PRKD1: variants seen among roughly 807,000 people sequenced by gnomAD.
PRKD1 encodes protein kinase D1.
Under a neutral mutation model 95.9 loss-of-function variants are expected in PRKD1, and 63 were observed. The observed-to-expected ratio is 0.66, with a 90% CI of 0.54 to 0.81. PRKD1 has a LOEUF of 0.81. PRKD1 is among the 30% of genes least tolerant of loss of function. PRKD1 has a pLI of 0.00. For missense variants in PRKD1, 1,048 were observed against 1,165.3 expected (o/e 0.90, Z 1.47); for synonymous variants, 425 against 423.1 (o/e 1.00, Z -0.05).
intron 16 of PRKD1, among the ~76,000 whole-genome samples, chr14:29,588,934 ACTCGGGAATAGGTG>A (rs1594342034): frequency 6.6e-6 from 1 of 152,020 alleles, no homozygotes; most frequent in East Asian, 1.9e-4. Context: ...TCAGCAGGTG[ACTCGGGAATAGGTG>A]CTTCTTCAGA....
chr14:29,722,356 T>C (rs899510763), intron 2 of PRKD1, among the ~76,000 whole-genome samples: 4 of 152,170 alleles, frequency 2.6e-5, no homozygotes, highest in Admixed American at 6.6e-5. Context: ...TGGCCTGAAG[T>C]GTCCTTGCTG....
At chr14:29,820,714 G>A (rs1237499650) in intron 1 of PRKD1, among the ~76,000 whole-genome samples, 4 of 152,120 alleles carry the variant, frequency 2.6e-5, no homozygotes, top group Non-Finnish European at 5.9e-5. Context: ...TGTATAACAC[G>A]CTAAGGAACC....
At position 29,905,871 on chromosome 14, in the gene PRKD1, T is replaced by C. The variant is rs555642722; in HGVS notation, c.264+21378A>G. The stretch of plus-strand genomic sequence containing the variant: ...AGGCTCCAGAAAATCAAATATAATA[T>C]CCACCCAGCGGGGCTTATAACTCTC... On this transcript the variant is annotated intron_variant, in intron 1 of 17. Transcript: ENST00000331968. Among the ~76,000 whole-genome samples the C allele has an allele frequency of 5.3e-5, 8 of 152,244 alleles. 1 individual carries two copies. The East Asian group carries it at 1.5e-3, about 29-fold the overall frequency.
chr14:29,597,840 C>T, intron 15 of PRKD1, 82 bp from the exon 16 acceptor site: 1 of 1,344,250 alleles, frequency 7.4e-7, no homozygotes, highest in Non-Finnish European at 1.0e-6. Context: ...CAGATACAAC[C>T]ATAATATTTT....
intron 1 of PRKD1, among the ~76,000 whole-genome samples, chr14:29,841,669 T>G (rs1242544308): frequency 6.6e-6 from 1 of 152,172 alleles, no homozygotes; most frequent in Admixed American, 6.5e-5. Flanking sequence ...CTCTGTTTCT[T>G]CCTGGTCTCG....
At position 29,607,547 on chromosome 14, in the gene PRKD1, C is replaced by T. The variant is rs754482088; in HGVS notation, c.1906-7730G>A. 7.9e-5 allele frequency among the ~76,000 whole-genome samples: 12 copies of T among 152,276 alleles called. 1 individual carries two copies. The highest frequency in any genetic ancestry group is 1.3e-4 in the Non-Finnish European group (9 of 68,020). ...GGTGAAGTCCCCGTTTCCTCGCTGG[C>T]TGTGAGCCAAGCGTCTCTCTCAGCT... On this transcript the variant is annotated intron_variant, in intron 13 of 17. Coordinates refer to ENST00000331968, the MANE Select transcript of PRKD1 (RefSeq NM_002742.3).
intron 13 of PRKD1, among the ~76,000 whole-genome samples, chr14:29,604,328 G>A (rs1157708489): frequency 6.6e-6 from 1 of 152,136 alleles, no homozygotes; most frequent in African/African-American, 2.4e-5. Flanking sequence ...CATATGAGAG[G>A]TAGGAAAGAG....
At chr14:29,807,617 C>T (rs774333355) in intron 1 of PRKD1, among the ~76,000 whole-genome samples, 5 of 151,932 alleles carry the variant, frequency 3.3e-5, no homozygotes, top group Non-Finnish European at 7.4e-5. Context: ...AGGCTGGTCT[C>T]ACACTTCTTG....
chr14:29,826,675 A>G (rs74197435), intron 1 of PRKD1, among the ~76,000 whole-genome samples: 369 of 28,974 alleles, frequency 0.013, 22 homozygotes, highest in African/African-American at 0.04. Context: ...ATATATGTGT[A>G]TATATATATA....
At chr14:29,841,637 G>C (rs1357063225) in intron 1 of PRKD1, among the ~76,000 whole-genome samples, 1 of 152,096 alleles carries the variant, frequency 6.6e-6, no homozygotes, top group East Asian at 1.9e-4. Flanking sequence ...CCCAGCCATG[G>C]GGAACTATAA....
At chr14:29,759,380 A>G (rs1482761080) in intron 1 of PRKD1, among the ~76,000 whole-genome samples, 1 of 152,226 alleles carries the variant, frequency 6.6e-6, no homozygotes, top group Admixed American at 6.5e-5. Context: ...TAATTTAAAA[A>G]CAGCAATCTT....
chr14:29,651,723 T>C (rs916237514), intron 4 of PRKD1, among the ~76,000 whole-genome samples: 5 of 152,030 alleles, frequency 3.3e-5, no homozygotes, highest in African/African-American at 1.2e-4. Flanking sequence ...GTAACCTTTT[T>C]TTCATATTTT....
chr14:29,761,780 C>CTT lies in PRKD1; in HGVS notation c.265-36108_265-36107dup, dbSNP rs751775466. ...GGTTGCTCTAACAGTGATGTTCTTTCTTTTTTTTTTTTTTTTTTGAGACGC... is the reference window on the plus strand; with the variant it reads ...GGTTGCTCTAACAGTGATGTTCTTTCTTTTTTTTTTTTTTTTTTTTGAGACGC... On this transcript the variant is annotated intron_variant, in intron 1 of 17. Coordinates refer to ENST00000331968, the MANE Select transcript of PRKD1 (RefSeq NM_002742.3). Among the ~76,000 whole-genome samples, 458 of 135,144 alleles carry CTT rather than the reference C, an allele frequency of 3.4e-3. 2 individuals are homozygous for CTT. Among genetic ancestry groups the CTT allele is most frequent in the Admixed American group, 4.5e-3 (60 of 13,206 alleles). 88.7% of individuals were successfully genotyped at this position (135,144 alleles called of 152,430 possible).
chr14:29,666,350 C>T, intron 2 of PRKD1, 142 bp from the exon 3 acceptor site: 3 of 832,162 alleles, frequency 3.6e-6, no homozygotes, highest in Non-Finnish European at 1.7e-6. Flanking sequence ...ACAGCTTGCA[C>T]TTTCAGCCAT....
chr14:29,826,814 CACATATATATAT>C (rs1566623007), intron 1 of PRKD1, among the ~76,000 whole-genome samples: 551 of 25,970 alleles, frequency 0.021, 80 homozygotes, highest in African/African-American at 0.049. Context: ...CATATATATA[CACATATATATAT>C]ATATATATAT....
intron 1 of PRKD1, among the ~76,000 whole-genome samples, chr14:29,815,621 A>G (rs1566616336): frequency 1.3e-5 from 2 of 152,228 alleles, no homozygotes. Context: ...CCCTTTCTGG[A>G]TAGTGGAACA....
At chr14:29,832,444 T>C (rs1337519800) in intron 1 of PRKD1, among the ~76,000 whole-genome samples, 1 of 152,190 alleles carries the variant, frequency 6.6e-6, no homozygotes, top group African/African-American at 2.4e-5. Flanking sequence ...TTGTCTGTTA[T>C]GTATGTTGTT....
rs115099103 is a variant in PRKD1, at chr14:29,915,047, C to A, written c.264+12202G>T. On this transcript the variant is annotated intron_variant, in intron 1 of 17. Transcript: ENST00000331968. ...CTGAAAGGCACTTTTCTTAAGGACC[C>A]TTAGTTGTTTTCTCAGAACCTGCTC... is the stretch of plus-strand genomic sequence containing the variant. Among the ~76,000 whole-genome samples the A allele has an allele frequency of 3.1e-3, 479 of 152,228 alleles. 1 individual carries two copies. Among genetic ancestry groups the A allele is most frequent in the African/African-American group, 0.011 (468 of 41,570 alleles).
intron 1 of PRKD1, among the ~76,000 whole-genome samples, chr14:29,777,946 C>G (rs1888849690): frequency 6.6e-6 from 1 of 152,202 alleles, no homozygotes; most frequent in Non-Finnish European, 1.5e-5. Flanking sequence ...CAAACTGTCT[C>G]TCAGACCACA....
Sources: gnomAD v4.1 joint callset for allele counts (sites outside exome capture counted in the v4.1 genomes callset) on GRCh38, gnomAD v4.1.1 for gene constraint, MANE v1.5 for transcripts, NCBI Gene and HGNC (gene_info 2026-07-23, HGNC 2026-07-21) for gene names.